The following EPHA6 variants were observed in gnomAD, a reference collection of about 807,000 sequenced individuals.
EPHA6 encodes ephrin type-A receptor 6.
EPHA6 carries 50 observed loss-of-function variants against 112.0 expected under a neutral mutation model. The ratio of observed to expected loss-of-function variants is 0.45; its 90% CI spans 0.36 to 0.56. EPHA6 has a LOEUF of 0.56. Ranked by LOEUF, EPHA6 falls within the 20% of genes least tolerant of loss-of-function variation. EPHA6 has a pLI of 0.00. For synonymous variants in EPHA6, 529 were observed against 490.7 expected, an observed-to-expected ratio of 1.08 and a Z score of -1.03; for missense variants, 1,280 against 1,417.4, an observed-to-expected ratio of 0.90 and a Z score of 1.56.
At position 97,359,030 on chromosome 3, in the gene EPHA6, C is replaced by CTT. The variant is rs796076993; in HGVS notation, c.1607-46109_1607-46108dup. On this transcript the variant is annotated intron_variant, in intron 5 of 17. Transcript: ENST00000389672. ...ATAATTATAATGTGCCTTGCTATGG[C>CTT]TTTTTTTTTTTTGAGTTCATCTTAT... is the stretch of plus-strand genomic sequence containing the variant. Among the ~76,000 whole-genome samples, 982 of 138,934 alleles carry CTT rather than the reference C, an allele frequency of 7.1e-3. 8 individuals are homozygous for CTT. Among genetic ancestry groups the CTT allele is most frequent in the African/African-American group, 0.023 (890 of 38,218 alleles). 91.1% of individuals were successfully genotyped at this position (138,934 alleles called of 152,430 possible). A position where few individuals can be genotyped will look rare whatever the true frequency, so the allele number is the denominator to read the frequency against.
chr3:97,700,531 A>G (rs2033321175), intron 14 of EPHA6, among the ~76,000 whole-genome samples: 1 of 152,216 alleles, frequency 6.6e-6, no homozygotes, highest in Non-Finnish European at 1.5e-5. Context: ...GATAAAGCTA[A>G]TGTAAGCTGA....
At chr3:97,687,447 G>GT (rs890133219) in intron 14 of EPHA6, among the ~76,000 whole-genome samples, 4 of 151,684 alleles carry the variant, frequency 2.6e-5, no homozygotes, top group Admixed American at 2.0e-4. Context: ...GAAGCAAGGT[G>GT]TTTTTTTTCA....
At chr3:97,460,499 C>A (rs933493637) in intron 7 of EPHA6, among the ~76,000 whole-genome samples, 1 of 152,178 alleles carries the variant, frequency 6.6e-6, no homozygotes, top group African/African-American at 2.4e-5. Context: ...ATGAGAAAGA[C>A]AATAAACAAA....
intron 10 of EPHA6, among the ~76,000 whole-genome samples, chr3:97,527,007 T>A (rs1391489638): frequency 6.6e-6 from 1 of 151,774 alleles, no homozygotes. Context: ...GATGGGTGAG[T>A]CTCTCTCTAG....
intron 10 of EPHA6, among the ~76,000 whole-genome samples, chr3:97,508,441 G>A (rs1404254387): frequency 6.6e-6 from 1 of 152,158 alleles, no homozygotes. Context: ...TCCAGGAGCA[G>A]GTTGTTGAGT....
chr3:97,424,203 C>T (rs1017722512), intron 6 of EPHA6, among the ~76,000 whole-genome samples: 8 of 152,136 alleles, frequency 5.3e-5, no homozygotes, highest in African/African-American at 1.9e-4. Flanking sequence ...GAGACTTGTT[C>T]AGTACCATGA....
At chr3:97,366,895 A>G (rs2084765896) in intron 5 of EPHA6, among the ~76,000 whole-genome samples, 1 of 152,204 alleles carries the variant, frequency 6.6e-6, no homozygotes, top group Admixed American at 6.5e-5. Flanking sequence ...GAAAGTAAGA[A>G]GAGCTGCATT....
chr3:97,368,648 A>T (rs1337407774), intron 5 of EPHA6, among the ~76,000 whole-genome samples: 2 of 152,204 alleles, frequency 1.3e-5, no homozygotes. Context: ...TGAATTAATG[A>T]AATAACATTT....
intron 5 of EPHA6, among the ~76,000 whole-genome samples, chr3:97,254,313 C>T (rs530815903): frequency 5.3e-4 from 80 of 152,210 alleles, no homozygotes; most frequent in African/African-American, 1.8e-3. Context: ...CTTAGCCTCC[C>T]AAGTAGCTGG....
intron 3 of EPHA6, among the ~76,000 whole-genome samples, chr3:97,210,142 T>A (rs866647118): frequency 3.3e-5 from 5 of 152,198 alleles, no homozygotes; most frequent in South Asian, 2.1e-4. Context: ...CTGAATATCC[T>A]TATTATATTA....
At chr3:97,417,618 AAAAAATCTGAGCTTGGAGGGG>A (rs2088236388) in intron 6 of EPHA6, among the ~76,000 whole-genome samples, 1 of 152,250 alleles carries the variant, frequency 6.6e-6, no homozygotes, top group East Asian at 1.9e-4. Flanking sequence ...TTGTCCAAAA[AAAAAATCTGAGCTTGGAGGGG>A]AAAGATGGCT....
intron 6 of EPHA6, among the ~76,000 whole-genome samples, chr3:97,448,208 TC>T (rs1319328092): frequency 6.6e-6 from 1 of 152,166 alleles, no homozygotes; most frequent in African/African-American, 2.4e-5. Context: ...CCACCTTTGC[TC>T]CTTGCACTCT....
At chr3:97,674,940 A>G (rs1435445770) in intron 14 of EPHA6, among the ~76,000 whole-genome samples, 1 of 152,154 alleles carries the variant, frequency 6.6e-6, no homozygotes, top group Admixed American at 6.6e-5. Context: ...TACATGAGCA[A>G]TTTGAACAGT....
At chr3:97,012,712 G>A (rs139421933) in intron 3 of EPHA6, among the ~76,000 whole-genome samples, 8 of 148,904 alleles carry the variant, frequency 5.4e-5, no homozygotes, top group Admixed American at 6.7e-5. Flanking sequence ...TGCCCCCCTC[G>A]GCCTCTCAAG....
chr3:97,344,637 A>C (rs1054011550), intron 5 of EPHA6, among the ~76,000 whole-genome samples: 1 of 152,164 alleles, frequency 6.6e-6, no homozygotes, highest in Non-Finnish European at 1.5e-5. Flanking sequence ...TGTTTTACAG[A>C]GTGGCTTTAT....
At chr3:97,113,463 C>A (rs1424747023) in intron 3 of EPHA6, among the ~76,000 whole-genome samples, 1 of 152,088 alleles carries the variant, frequency 6.6e-6, no homozygotes, top group Non-Finnish European at 1.5e-5. Context: ...TGGCTCCTTT[C>A]GTCGACAAGT....
At chr3:96,883,864 G>A (rs1986395) in intron 2 of EPHA6, among the ~76,000 whole-genome samples, 92 of 151,982 alleles carry the variant, frequency 6.1e-4, no homozygotes, top group Non-Finnish European at 1.2e-3. Flanking sequence ...TAGAGACAGG[G>A]TTTCACCATG....
At position 96,994,759 on chromosome 3, in the gene EPHA6, A is replaced by AGAGAGAGAGCGAGC. The variant is rs763682996; in HGVS notation, c.1114+6769_1114+6770insAGAGAGCGAGCGAG. Reference sequence around the variant, plus strand: ...GAGAGAGAGAGAGAGAGAGAGAGAGAGAGCTATATATATACCTACAGGCTG... The same window carrying AGAGAGAGAGCGAGC: ...GAGAGAGAGAGAGAGAGAGAGAGAGAGAGAGAGAGCGAGCGAGCTATATATATACCTACAGGCTG... On this transcript the variant is annotated intron_variant, in intron 3 of 17. Transcript: ENST00000389672. Among the ~76,000 whole-genome samples the AGAGAGAGAGCGAGC allele has an allele frequency of 9.8e-4, 114 of 116,226 alleles. 2 individuals are homozygous for AGAGAGAGAGCGAGC. The highest frequency in any genetic ancestry group is 3.0e-3 in the African/African-American group (84 of 28,180). 76.2% of individuals were successfully genotyped at this position (116,226 alleles called of 152,430 possible).
chr3:97,647,587 T>C (rs778423576), intron 14 of EPHA6, among the ~76,000 whole-genome samples: 2 of 152,158 alleles, frequency 1.3e-5, no homozygotes, highest in Non-Finnish European at 2.9e-5. Context: ...TATGAGAGAT[T>C]AGTGAATGAT....
Sources: gnomAD v4.1 joint callset for allele counts (sites outside exome capture counted in the v4.1 genomes callset) on GRCh38, gnomAD v4.1.1 for gene constraint, MANE v1.5 for transcripts, NCBI Gene and HGNC (gene_info 2026-07-23, HGNC 2026-07-21) for gene names.